The following KDM7A variants were observed in gnomAD, a reference collection of about 807,000 sequenced individuals.
KDM7A encodes lysine demethylase 7A.
Under a neutral mutation model 114.8 loss-of-function variants are expected in KDM7A, and 28 were observed. That is an observed-to-expected ratio of 0.24 (90% CI 0.18 to 0.33). The LOEUF (loss-of-function observed/expected upper bound fraction) is 0.33. Among genes scored for constraint, KDM7A ranks in the 10% least tolerant of loss-of-function variants. KDM7A has a pLI of 1.00. For missense variants in KDM7A, 942 were observed against 1,142.5 expected (o/e 0.82, Z 2.53); for synonymous variants, 423 against 397.8 (o/e 1.06, Z -0.75).
chr7:140,087,695 G>GA lies in KDM7A; in HGVS notation c.*3398dup, dbSNP rs1280334665. 2.0e-5 allele frequency: 3 copies of GA among 152,194 alleles called. No individual in the cohort carries two copies. The highest frequency in any genetic ancestry group is 7.2e-5 in the African/African-American group (3 of 41,448). The allele number at this position is 152,194 out of a possible 1,614,324, so 9.4% of individuals were successfully genotyped here. A position where few individuals can be genotyped will look rare whatever the true frequency, so the allele number is the denominator to read the frequency against. On this transcript the variant is annotated 3_prime_UTR_variant, in exon 20 of 20. Transcript: ENST00000397560. ...TTACACAGCTGATACCTAAATGGCA[G>GA]AACTTCGACAAAAGCCCAGGTCTTC...
chr7:140,144,424 A>G (rs1261632037), intron 1 of KDM7A, among the ~76,000 whole-genome samples: 1 of 152,194 alleles, frequency 6.6e-6, no homozygotes, highest in Non-Finnish European at 1.5e-5. Context: ...TAAGTCTTCA[A>G]GGGTTCGGAT....
At chr7:140,146,388 C>T (rs924544380) in intron 1 of KDM7A, among the ~76,000 whole-genome samples, 1 of 152,168 alleles carries the variant, frequency 6.6e-6, no homozygotes, top group Non-Finnish European at 1.5e-5. Flanking sequence ...CCCACTCCAT[C>T]CTTCACTCAC....
intron 9 of KDM7A, among the ~76,000 whole-genome samples, chr7:140,117,016 G>T (rs1425801048): frequency 6.6e-6 from 1 of 152,180 alleles, no homozygotes; most frequent in Non-Finnish European, 1.5e-5. Context: ...ACGGATAAAA[G>T]AACGACATAA....
rs1375030876 is a variant in KDM7A at position 140,086,670 on chromosome 7, G to A, written c.*4424C>T. The A allele has an allele frequency of 6.6e-6, 1 of 152,092 alleles. No homozygotes were observed. The highest frequency in any genetic ancestry group is 1.5e-5 in the Non-Finnish European group (1 of 68,016). 9.4% of individuals were successfully genotyped at this position (152,092 alleles called of 1,614,324 possible). On this transcript the variant is annotated 3_prime_UTR_variant, in exon 20 of 20. Coordinates refer to ENST00000397560, the MANE Select transcript of KDM7A (RefSeq NM_030647.2). ...ACATGAACATCATCTCATAGGGCAAGCCGAAAACTGGGGGCTGTTTTAGGA... is the reference window on the plus strand; with the variant it reads ...ACATGAACATCATCTCATAGGGCAAACCGAAAACTGGGGGCTGTTTTAGGA...
At position 140,127,540 on chromosome 7, in the gene KDM7A, T is replaced by G. The variant is rs749985628; in HGVS notation, c.603A>C (p.Ala201=). ...AATTGTGAAGTGTCATTTTGCTGTC[T>G]GCCTGCCTCGCCACATCAATGACAT... ...VIDVIDVARQ[A]DSKMTLHNYV... is the part of the protein sequence containing the mutation. The change falls in exon 5 of 20, where the codon GCA becomes GCC. Residue 201 remains alanine, a synonymous_variant. Coordinates refer to ENST00000397560, the MANE Select transcript of KDM7A (RefSeq NM_030647.2). 1.4e-5 allele frequency: 23 copies of G among 1,613,778 alleles called. No individual in the cohort carries two copies. Among genetic ancestry groups the G allele is most frequent in the Non-Finnish European group, 1.9e-5 (23 of 1,179,794 alleles).
In KDM7A at chr7:140,089,529, T is replaced by G. The variant is rs1817986921; in HGVS notation, c.*1565A>C. ...ATAATATGGCCATATTTCTTCTCCA[T>G]AAAAATAAATTTTATCTATTTGCCT... is the stretch of plus-strand genomic sequence containing the variant. On this transcript the variant is annotated 3_prime_UTR_variant, in exon 20 of 20. Coordinates refer to ENST00000397560, the MANE Select transcript of KDM7A (RefSeq NM_030647.2). 6.6e-6 allele frequency: 1 copy of G among 152,142 alleles called. No individual in the cohort carries two copies. Among genetic ancestry groups the G allele is most frequent in the South Asian group, 2.1e-4 (1 of 4,832 alleles). The allele number at this position is 152,142 out of a possible 1,614,324, so 9.4% of individuals were successfully genotyped here.
intron 11 of KDM7A, among the ~76,000 whole-genome samples, chr7:140,105,009 G>C (rs567835907): frequency 2.1e-3 from 317 of 152,184 alleles, no homozygotes; most frequent in Non-Finnish European, 3.4e-3. Flanking sequence ...CCTTCACATC[G>C]CTTGTAAATC....
intron 2 of KDM7A, among the ~76,000 whole-genome samples, chr7:140,136,715 G>C (rs1258498667): frequency 2.0e-5 from 3 of 152,186 alleles, no homozygotes; most frequent in African/African-American, 7.2e-5. Flanking sequence ...CAGGTAGCAA[G>C]TAAGACAGGC....
Position 140,114,865 on chromosome 7 carries a change from G to A in KDM7A, c.1247-1283C>T, listed in dbSNP as rs1398105280. ...AGCCCCTCCGCCCGGCAGCCGCCCC[G>A]TCTGAGAAGTGAGGAGCCCCTCCGC... On this transcript the variant is annotated intron_variant, in intron 9 of 19. Transcript: ENST00000397560. Among the ~76,000 whole-genome samples the A allele has an allele frequency of 2.7e-3, 287 of 106,554 alleles. 1 individual carries two copies. The highest frequency in any genetic ancestry group is 7.1e-3 in the Admixed American group (79 of 11,164). 69.9% of individuals were successfully genotyped at this position (106,554 alleles called of 152,430 possible). A position where few individuals can be genotyped will look rare whatever the true frequency, so the allele number is the denominator to read the frequency against.
At chr7:140,130,808 A>G (rs1818772541) in intron 3 of KDM7A, among the ~76,000 whole-genome samples, 2 of 151,330 alleles carry the variant, frequency 1.3e-5, no homozygotes, top group Admixed American at 1.3e-4. Context: ...CCCATTGACA[A>G]CTACTGATTT....
At chr7:140,125,291 T>C (rs1040971535) in intron 6 of KDM7A, among the ~76,000 whole-genome samples, 2 of 152,156 alleles carry the variant, frequency 1.3e-5, no homozygotes, top group Middle Eastern at 3.2e-3. Flanking sequence ...GCACAAGCAT[T>C]TGATATAGAT....
At chr7:140,138,264 C>T (rs1338175777) in intron 2 of KDM7A, among the ~76,000 whole-genome samples, 1 of 151,824 alleles carries the variant, frequency 6.6e-6, no homozygotes. Flanking sequence ...GCTATGATAG[C>T]ACCACTACAC....
intron 9 of KDM7A, among the ~76,000 whole-genome samples, chr7:140,115,856 TA>T (rs34762481): frequency 0.037 from 3,179 of 84,906 alleles, 86 homozygotes; most frequent in East Asian, 0.17. Context: ...ACAAGAAAAG[TA>T]AAAAAAAAAA....
At chr7:140,158,790 T>C (rs1794486534) in intron 1 of KDM7A, among the ~76,000 whole-genome samples, 1 of 152,154 alleles carries the variant, frequency 6.6e-6, no homozygotes, top group Non-Finnish European at 1.5e-5. Flanking sequence ...GTTCCCCAGA[T>C]GCCAAGTTAA....
In KDM7A at chr7:140,176,620, G is replaced by A. The variant is rs1379815055; in HGVS notation, c.194+124C>T. Reference sequence around the variant, plus strand: ...TGCCCGGCCGGGGGGCTAGGCACCGGGGCCCCCTGAAAGCTGGGCGCGGCG... The same window carrying A: ...TGCCCGGCCGGGGGGCTAGGCACCGAGGCCCCCTGAAAGCTGGGCGCGGCG... On this transcript the variant is annotated intron_variant, in intron 1 of 19. Transcript: ENST00000397560. The surrounding 1 kb of genome is among the most constrained non-coding windows in gnomAD (Gnocchi z 4.4). 2 of 696,414 alleles carry A rather than the reference G, an allele frequency of 2.9e-6. No individual in the cohort carries two copies. The highest frequency in any genetic ancestry group is 3.5e-6 in the Non-Finnish European group (2 of 566,412). 43.1% of individuals were successfully genotyped at this position (696,414 alleles called of 1,614,324 possible).
chr7:140,119,015 A>G (rs920902134), intron 9 of KDM7A, 98 bp downstream of exon 9: 9 of 666,250 alleles, frequency 1.4e-5, no homozygotes, highest in Admixed American at 7.0e-5. Context: ...TGACATCCAT[A>G]CACTACTAGA....
intron 3 of KDM7A, among the ~76,000 whole-genome samples, chr7:140,131,601 AACTGGAG>A (rs1344949299): frequency 6.6e-6 from 1 of 152,182 alleles, no homozygotes; most frequent in Non-Finnish European, 1.5e-5. Flanking sequence ...TCATCTACTG[AACTGGAG>A]CTCTGTATTA....
chr7:140,104,200 G>A, intron 11 of KDM7A, among the ~76,000 whole-genome samples: 1 of 152,118 alleles, frequency 6.6e-6, no homozygotes, highest in Non-Finnish European at 1.5e-5. Context: ...CTTTGTAGAT[G>A]CTGGATATTA....
intron 3 of KDM7A, among the ~76,000 whole-genome samples, chr7:140,131,557 CT>C (rs1818787230): frequency 6.6e-6 from 1 of 152,138 alleles, no homozygotes; most frequent in Non-Finnish European, 1.5e-5. Context: ...ACTGAGAGTC[CT>C]TTCCTAGATA....
Sources: gnomAD v4.1 joint callset for allele counts (sites outside exome capture counted in the v4.1 genomes callset) on GRCh38, gnomAD v4.1.1 for gene constraint, Gnocchi (gnomAD v3.1) non-coding constraint, MANE v1.5 for transcripts, NCBI Gene and HGNC (gene_info 2026-07-23, HGNC 2026-07-21) for gene names.